The following SLC8A1 variants were observed in gnomAD, a reference collection of about 807,000 sequenced individuals.
The protein encoded by SLC8A1 is solute carrier family 8 member A1.
A neutral mutation model predicts 68.3 loss-of-function variants in SLC8A1; 18 were observed. The ratio of observed to expected loss-of-function variants is 0.26; its 90% CI spans 0.18 to 0.39. The LOEUF is 0.39. Among genes scored for constraint, SLC8A1 ranks in the 10% least tolerant of loss-of-function variants. The pLI, the probability that SLC8A1 is intolerant of heterozygous loss-of-function variation, is 1.00. For missense variants in SLC8A1, 985 were observed against 1,156.7 expected, an observed-to-expected ratio of 0.85 and a Z score of 2.15; for synonymous variants, 475 against 415.5, an observed-to-expected ratio of 1.14 and a Z score of -1.74.
chr2:40,181,055 G>A lies in SLC8A1; in HGVS notation c.1809-3200C>T, dbSNP rs575287198. Among the ~76,000 whole-genome samples the A allele has an allele frequency of 1.1e-3, 168 of 152,198 alleles. 1 individual carries two copies. Among genetic ancestry groups the A allele is most frequent in the African/African-American group, 3.8e-3 (159 of 41,516 alleles). On this transcript the variant is annotated intron_variant, in intron 2 of 7. Transcript: ENST00000406785. ...GCTTACTGCAACCTCCGCCTCCCAG[G>A]TTCAAGCGATTCCCCTGCCTCAGCC...
chr2:40,169,818 A>T (rs1338378592), intron 4 of SLC8A1, among the ~76,000 whole-genome samples: 1 of 152,126 alleles, frequency 6.6e-6, no homozygotes, highest in Admixed American at 6.5e-5. Flanking sequence ...GTACACACCT[A>T]TAGTCCTAGC....
intron 2 of SLC8A1, among the ~76,000 whole-genome samples, chr2:40,191,681 CT>C (rs1461510298): frequency 6.6e-6 from 1 of 152,124 alleles, no homozygotes; most frequent in African/African-American, 2.4e-5. Context: ...TGAGCAATTC[CT>C]GGGTTAATTA....
At chr2:40,177,170 AT>A (rs1221039659) in intron 3 of SLC8A1, among the ~76,000 whole-genome samples, 1 of 152,204 alleles carries the variant, frequency 6.6e-6, no homozygotes, top group African/African-American at 2.4e-5. Flanking sequence ...ATTTGATGAT[AT>A]AAAAATATGC....
chr2:40,276,878 T>A (rs113603881), intron 2 of SLC8A1, among the ~76,000 whole-genome samples: 10 of 152,338 alleles, frequency 6.6e-5, no homozygotes, highest in African/African-American at 2.4e-4. Context: ...CAACTTACAT[T>A]CTATGAGAAT....
intron 1 of SLC8A1, among the ~76,000 whole-genome samples, chr2:40,465,841 T>C (rs545561006): frequency 1.7e-4 from 26 of 152,270 alleles, no homozygotes; most frequent in South Asian, 1.2e-3. Flanking sequence ...TGGGGCTGCA[T>C]TGGAAGTGTT....
chr2:40,145,562 T>C (rs2042308067), intron 6 of SLC8A1, among the ~76,000 whole-genome samples: 1 of 152,232 alleles, frequency 6.6e-6, no homozygotes, highest in Non-Finnish European at 1.5e-5. Context: ...TGACATACAG[T>C]AATTACAAAT....
chr2:40,257,016 GTAAATAAA>G (rs70957166), intron 2 of SLC8A1, among the ~76,000 whole-genome samples: 147,507 of 151,280 alleles, frequency 0.98, 72,021 homozygotes, highest in Non-Finnish European at 1. Flanking sequence ...TATCAAGTAA[GTAAATAAA>G]TAAATAAATA....
intron 2 of SLC8A1, among the ~76,000 whole-genome samples, chr2:40,279,644 C>A (rs543549096): frequency 1.3e-5 from 2 of 152,200 alleles, no homozygotes; most frequent in East Asian, 3.8e-4. Context: ...TCTGGCATAT[C>A]TCTTCCCAAG....
rs565094458 is a variant in SLC8A1, at chr2:40,406,901, A to C, written c.1808+21572T>G. The stretch of plus-strand genomic sequence containing the variant: ...TCTACGTCACATGCATATACATAGC[A>C]CAGTAACAAGGCAATCCTCTGTGTT... On this transcript the variant is annotated intron_variant, in intron 2 of 7. Coordinates refer to ENST00000406785, the Ensembl canonical transcript of SLC8A1. Among the ~76,000 whole-genome samples, 181 of 152,312 alleles carry C rather than the reference A, an allele frequency of 1.2e-3. 1 individual carries two copies. The highest frequency in any genetic ancestry group is 4.2e-3 in the African/African-American group (176 of 41,568).
chr2:40,191,084 T>C (rs2051727075), intron 2 of SLC8A1, among the ~76,000 whole-genome samples: 1 of 152,200 alleles, frequency 6.6e-6, no homozygotes, highest in Admixed American at 6.5e-5. Context: ...TGTGCCTCTA[T>C]ATGGTGAAAT....
chr2:40,429,298 C>T (rs773724386), exon 2 of SLC8A1: 7 of 1,613,888 alleles, frequency 4.3e-6, no homozygotes, highest in Non-Finnish European at 5.1e-6. Flanking sequence ...CTTCAGAATC[C>T]TAGCCATTTC....
chr2:40,439,229 A>G (rs767722267), intron 1 of SLC8A1, among the ~76,000 whole-genome samples: 88 of 152,156 alleles, frequency 5.8e-4, no homozygotes, highest in Non-Finnish European at 1.1e-3. Flanking sequence ...TGTCTTCTCT[A>G]AGAAGAAACA....
At chr2:40,441,797 T>G (rs559988275) in intron 1 of SLC8A1, among the ~76,000 whole-genome samples, 26 of 151,814 alleles carry the variant, frequency 1.7e-4, no homozygotes, top group Non-Finnish European at 2.8e-4. Context: ...AATGTAAAAC[T>G]TAAAACCATA....
chr2:40,174,955 A>AC, intron 3 of SLC8A1, 113 bp from the exon 5 acceptor site: 1 of 971,318 alleles, frequency 1.0e-6, no homozygotes, highest in Non-Finnish European at 1.6e-6. Context: ...AATTATATTT[A>AC]CAATTAAGAA....
At chr2:40,372,917 C>G (rs1237148417) in intron 2 of SLC8A1, among the ~76,000 whole-genome samples, 1 of 151,848 alleles carries the variant, frequency 6.6e-6, no homozygotes, top group Non-Finnish European at 1.5e-5. Context: ...AAGAGAAATC[C>G]TTGATGGTTT....
At chr2:40,120,869 C>G (rs1030976069) in intron 7 of SLC8A1, 1 of 152,148 alleles carries the variant, frequency 6.6e-6, no homozygotes, top group African/African-American at 2.4e-5. Context: ...ACGAGTGAAG[C>G]CAAGGTGGCA....
chr2:40,495,308 C>T (rs1705619745), intron 1 of SLC8A1, among the ~76,000 whole-genome samples: 1 of 151,928 alleles, frequency 6.6e-6, no homozygotes, highest in African/African-American at 2.4e-5. Flanking sequence ...TGGAGTCATA[C>T]TAATTATTGT....
At chr2:40,414,943 G>A (rs1693350088) in intron 2 of SLC8A1, among the ~76,000 whole-genome samples, 1 of 152,074 alleles carries the variant, frequency 6.6e-6, no homozygotes, top group Non-Finnish European at 1.5e-5. Flanking sequence ...GGCAATATTG[G>A]GAAAGAAGGC....
chr2:40,165,349 C>G (rs1030132688), intron 4 of SLC8A1, among the ~76,000 whole-genome samples: 1 of 152,152 alleles, frequency 6.6e-6, no homozygotes, highest in African/African-American at 2.4e-5. Flanking sequence ...CACATTCTTT[C>G]AGCACGTGAC....
Sources: allele counts gnomAD v4.1 joint callset (sites outside exome capture counted in the v4.1 genomes callset), GRCh38; gene constraint gnomAD v4.1.1; transcripts MANE v1.5; gene names NCBI Gene and HGNC (gene_info 2026-07-23, HGNC 2026-07-21).